CCDC33: variants seen among roughly 807,000 people sequenced by gnomAD.
CCDC33 encodes coiled-coil domain containing 33.
In CCDC33, 94 loss-of-function variants were observed where a neutral mutation model predicts 91.9. The observed-to-expected ratio is 1.02, with a 90% CI of 0.87 to 1.21. The LOEUF is 1.21. Among genes scored for constraint, CCDC33 ranks in the 50% most tolerant of loss-of-function variants. The probability of loss-of-function intolerance (pLI) is 0.00; values close to 1 mark genes in which losing one functional copy is unlikely to be tolerated. For missense variants in CCDC33, 940 were observed against 935.5 expected, an observed-to-expected ratio of 1.00 and a Z score of -0.06; for synonymous variants, 396 against 374.5, an observed-to-expected ratio of 1.06 and a Z score of -0.66.
upstream of CCDC33, among the ~76,000 whole-genome samples, chr15:74,231,364 T>C (rs148630910): frequency 1.1e-3 from 164 of 152,304 alleles, no homozygotes; most frequent in African/African-American, 3.8e-3. Flanking sequence ...GCTCTGCCCT[T>C]GCTTATGGGG....
chr15:74,273,281 G>A (rs927387351), intron 7 of CCDC33, among the ~76,000 whole-genome samples: 17 of 152,232 alleles, frequency 1.1e-4, no homozygotes, highest in Non-Finnish European at 2.4e-4. Context: ...AGGGGCTGGG[G>A]AAAGGGAAGA....
intron 16 of CCDC33, chr15:74,333,439 G>A: frequency 2.5e-6 from 2 of 800,780 alleles, no homozygotes; most frequent in Non-Finnish European, 4.1e-6. Flanking sequence ...AGAATATTGG[G>A]CAGGGCAGGG....
chr15:74,250,195 G>C (rs1206095884), intron 2 of CCDC33, among the ~76,000 whole-genome samples: 1 of 152,136 alleles, frequency 6.6e-6, no homozygotes, highest in African/African-American at 2.4e-5. Flanking sequence ...ACTGCTCTTG[G>C]TTCCTCTACT....
At chr15:74,276,142 G>A (rs1020277521) in intron 7 of CCDC33, among the ~76,000 whole-genome samples, 1 of 152,218 alleles carries the variant, frequency 6.6e-6, no homozygotes, top group African/African-American at 2.4e-5. Flanking sequence ...AATGTGGAAG[G>A]TTATGGAGGC....
At chr15:74,335,679 G>T in intron 18 of CCDC33, 1 of 447,804 alleles carries the variant, frequency 2.2e-6, no homozygotes, top group Admixed American at 3.5e-5. Context: ...TCCTGGGAAA[G>T]GCCTGGAAAG....
chr15:74,334,946 C>T, intron 17 of CCDC33, 29 bp from the exon 18 acceptor site: 1 of 1,554,122 alleles, frequency 6.4e-7, no homozygotes, highest in Non-Finnish European at 8.9e-7. Flanking sequence ...TGCCCATGGT[C>T]CTCCAATTGT....
At chr15:74,289,206 T>A (rs1222075473) in intron 10 of CCDC33, among the ~76,000 whole-genome samples, 1 of 152,158 alleles carries the variant, frequency 6.6e-6, no homozygotes, top group Non-Finnish European at 1.5e-5. Context: ...AGCACCACAT[T>A]TGGTCTCGCT....
rs150447758 is a variant in CCDC33 at position 74,263,822 on chromosome 15, A to T, written c.319+1249A>T. Among the ~76,000 whole-genome samples the T allele has an allele frequency of 9.4e-4, 143 of 152,188 alleles. No individual in the cohort carries two copies. In the East Asian group the frequency reaches 0.026, roughly 27 times the overall value. The stretch of plus-strand genomic sequence containing the variant: ...TGTGTCTAGCTGCAACAGTGTGGTT[A>T]TATGTGTGTCTGGATGAATCTGGAT... On this transcript the variant is annotated intron_variant, in intron 3 of 18. Transcript: ENST00000398814.
intron 15 of CCDC33, 34 bp downstream of exon 15, chr15:74,331,330 G>C: frequency 1.2e-6 from 2 of 1,605,946 alleles, no homozygotes; most frequent in Non-Finnish European, 1.7e-6. Flanking sequence ...CAGCTCCCCA[G>C]CTTCTGCTCC....
At chr15:74,294,833 AC>A (rs1342811718) in intron 10 of CCDC33, among the ~76,000 whole-genome samples, 1 of 152,088 alleles carries the variant, frequency 6.6e-6, no homozygotes, top group Non-Finnish European at 1.5e-5. Context: ...GACCAGAAGA[AC>A]CCAGAAAACC....
intron 9 of CCDC33, among the ~76,000 whole-genome samples, chr15:74,281,452 T>C (rs1341029194): frequency 2.0e-5 from 3 of 152,258 alleles, no homozygotes; most frequent in Non-Finnish European, 1.5e-5. Flanking sequence ...CAAGAATGAA[T>C]AATATCGTTA....
At position 74,323,685 on chromosome 15, in the gene CCDC33, G is replaced by C. The variant is rs1323546054; in HGVS notation, c.1291-6504G>C. On this transcript the variant is annotated intron_variant, in intron 11 of 18. Transcript: ENST00000398814. ...TGGGATTACAGGCACCCGCCACCAC[G>C]CCCGGCTATTTTTTGGGCTTTTGTG... 5.3e-5 allele frequency among the ~76,000 whole-genome samples: 8 copies of C among 151,342 alleles called. 1 individual carries two copies. The South Asian group carries it at 1.7e-3, about 33-fold the overall frequency.
chr15:74,241,516 G>A (rs1461066700), intron 1 of CCDC33, among the ~76,000 whole-genome samples: 3 of 152,218 alleles, frequency 2.0e-5, no homozygotes, highest in African/African-American at 7.2e-5. Flanking sequence ...CGTGGGACAA[G>A]ATGAGGTCAG....
At chr15:74,213,848 G>A (rs2074390567), upstream of CCDC33, among the ~76,000 whole-genome samples, 1 of 152,206 alleles carries the variant, frequency 6.6e-6, no homozygotes, top group African/African-American at 2.4e-5. Flanking sequence ...GCCCAGGGTG[G>A]AGCAGTGATG....
Position 74,279,938 on chromosome 15 carries a change from A to C in CCDC33, c.760-25A>C, listed in dbSNP as rs757955091. 8 of 1,608,046 alleles carry C rather than the reference A, an allele frequency of 5.0e-6. No homozygotes were observed. In the Admixed American group the frequency reaches 5.1e-5, roughly 10 times the overall value. ...TTTGGGAGAAGCTGTGGCCCCCACC[A>C]CCTGCTCCTACCCTCTCCCTCCAGC... On this transcript the variant is annotated intron_variant, in intron 7 of 18. Transcript: ENST00000398814.
chr15:74,309,053 GA>G (rs1317992286), intron 11 of CCDC33, among the ~76,000 whole-genome samples: 1 of 152,108 alleles, frequency 6.6e-6, no homozygotes, highest in Non-Finnish European at 1.5e-5. Context: ...TGACCGTCCA[GA>G]TGGGGCCCTC....
chr15:74,208,883 A>G, intron 1 of CCDC33: 1 of 989,214 alleles, frequency 1.0e-6, no homozygotes. Context: ...TTGTCCCTCC[A>G]GGCAAGCAGG....
intron 2 of CCDC33, among the ~76,000 whole-genome samples, chr15:74,254,990 C>T (rs1042449716): frequency 6.6e-6 from 1 of 152,050 alleles, no homozygotes; most frequent in Non-Finnish European, 1.5e-5. Context: ...GCAGGTGATC[C>T]ACCTGCCTCG....
In CCDC33 at chr15:74,236,628, TCTGGGCAGGACTGATTC is replaced by T. The variant is rs1461270111; in HGVS notation, c.-88_-72del. ...GACTCCAAGACGCCCAGGCCAGCTG[TCTGGGCAGGACTGATTC>T]CTGATCACCCACTGATACCAAGTAC... On this transcript the variant is annotated 5_prime_UTR_variant, in exon 1 of 19. Transcript: ENST00000398814. 9 of 1,229,412 alleles carry T rather than the reference TCTGGGCAGGACTGATTC, an allele frequency of 7.3e-6. No homozygotes were observed. Among genetic ancestry groups the T allele is most frequent in the Non-Finnish European group, 9.4e-6 (8 of 847,380 alleles). The allele number at this position is 1,229,412 out of a possible 1,614,324, so 76.2% of individuals were successfully genotyped here.
Sources: allele counts gnomAD v4.1 joint callset (sites outside exome capture counted in the v4.1 genomes callset), GRCh38; gene constraint gnomAD v4.1.1; transcripts MANE v1.5; gene names NCBI Gene and HGNC (gene_info 2026-07-23, HGNC 2026-07-21).